Variants in MTM1 observed in about 807,000 individuals in gnomAD.
The protein encoded by MTM1 is myotubularin 1.
In MTM1, 9 loss-of-function variants were observed where a neutral mutation model predicts 52.1. The observed-to-expected ratio is 0.17, with a 90% CI of 0.10 to 0.30. The LOEUF is 0.30. MTM1 is among the 10% of genes least tolerant of loss of function. The pLI, the probability that MTM1 is intolerant of heterozygous loss-of-function variation, is 1.00. For synonymous variants in MTM1, 136 were observed against 163.8 expected, an observed-to-expected ratio of 0.83 and a Z score of 1.29; for missense variants, 277 against 470.7, an observed-to-expected ratio of 0.59 and a Z score of 3.81.
At chrX:150,589,750 CTTTT>C (rs781783631) in intron 1 of MTM1, among the ~76,000 whole-genome samples, 2 of 91,899 alleles carry the variant, frequency 2.2e-5, no homozygotes, top group Admixed American at 1.2e-4. Context: ...TCATTATTGT[CTTTT>C]TTTTTTTTTT....
rs1470686963 is a variant in MTM1, at chrX:150,641,359, C to T, written c.619C>T (p.Arg207Cys). ...TYPALLVVPY[R>C]ASDDDLRRVA... ...CCCTGCTCTTTTGGTGGTTCCGTAT[C>T]GTGCCTCAGATGATGACCTCCGGAG... The change falls in exon 8 of 15, where the codon CGT becomes TGT. Residue 207 changes from arginine (R) to cysteine (C), a missense_variant. Around this residue, in one of 4 missense-constraint regions of MTM1, gnomAD observed 164 missense variants for 283.3 expected, o/e 0.58. Transcript: ENST00000370396. 1.7e-6 allele frequency: 2 copies of T among 1,211,313 alleles called. No individual in the cohort carries two copies. Among genetic ancestry groups the T allele is most frequent in the African/African-American group, 1.7e-5 (1 of 57,697 alleles).
intron 1 of MTM1, among the ~76,000 whole-genome samples, chrX:150,583,747 TTAA>T (rs1157506703): frequency 2.1e-5 from 1 of 46,659 alleles, no homozygotes. Flanking sequence ...TATATATAAA[TTAA>T]TATATATTAA....
At chrX:150,587,304 G>C (rs782178359) in intron 1 of MTM1, among the ~76,000 whole-genome samples, 5 of 111,747 alleles carry the variant, frequency 4.5e-5, no homozygotes, top group African/African-American at 1.6e-4. Flanking sequence ...AATGCAGGGC[G>C]TGACAGCCTG....
upstream of MTM1, among the ~76,000 whole-genome samples, chrX:150,567,753 C>G (rs1231355475): frequency 3.6e-5 from 4 of 111,481 alleles, no homozygotes; most frequent in Admixed American, 3.8e-4. Context: ...GAGGTTTCAC[C>G]ATGTCGTCCA....
chrX:150,632,335 A>G (rs1557413595), intron 6 of MTM1, among the ~76,000 whole-genome samples: 2 of 111,969 alleles, frequency 1.8e-5, no homozygotes, highest in Non-Finnish European at 3.8e-5. Flanking sequence ...GGCTGAACTC[A>G]CATGCAGTTT....
upstream of MTM1, among the ~76,000 whole-genome samples, chrX:150,566,848 A>G (rs1167050625): frequency 2.7e-5 from 3 of 111,439 alleles, no homozygotes; most frequent in Non-Finnish European, 3.8e-5. Flanking sequence ...CCTAAGATTC[A>G]CAGATACCAG....
intron 14 of MTM1, among the ~76,000 whole-genome samples, chrX:150,665,662 A>G (rs782572591): frequency 1.8e-5 from 2 of 112,393 alleles, no homozygotes; most frequent in South Asian, 7.4e-4. Context: ...AAAAGAATAT[A>G]CAGCCTCATA....
chrX:150,569,904 T>C (rs1276122060), intron 1 of MTM1, among the ~76,000 whole-genome samples: 1 of 111,979 alleles, frequency 8.9e-6, no homozygotes, highest in Non-Finnish European at 1.9e-5. Flanking sequence ...TGAATGGCTT[T>C]TGGCTGCTTC....
intron 3 of MTM1, 94 bp downstream of exon 3, chrX:150,596,664 T>A: frequency 1.5e-6 from 1 of 677,069 alleles, no homozygotes; most frequent in Non-Finnish European, 2.4e-6. Flanking sequence ...GCAGTCAGGC[T>A]TAGACAAATA....
Position 150,649,871 on chromosome X carries a change from G to A in MTM1, c.1023G>A (p.Leu341=). The change falls in exon 10 of 15, where the codon TTG becomes TTA. Residue 341 remains leucine (L), a synonymous_variant. Transcript: ENST00000370396. ...AAGAATCTCATTGGTTGTCCAGTTT[G>A]GAGTCTACTCATTGGTTAGAACATA... is the stretch of plus-strand genomic sequence containing the variant. ...NVEESHWLSS[L]ESTHWLEHIK... 3 of 1,208,297 alleles carry A rather than the reference G, an allele frequency of 2.5e-6. No individual in the cohort carries two copies. The highest frequency in any genetic ancestry group is 2.3e-4 in the Middle Eastern group (1 of 4,316).
At chrX:150,668,924 AG>A (rs1202898764) in intron 14 of MTM1, among the ~76,000 whole-genome samples, 1 of 109,905 alleles carries the variant, frequency 9.1e-6, no homozygotes, top group Non-Finnish European at 1.9e-5. Context: ...TCTAAAAAAA[AG>A]GGTGGGGGGA....
At chrX:150,665,461 A>G (rs781924711) in intron 14 of MTM1, among the ~76,000 whole-genome samples, 163 of 112,969 alleles carry the variant, frequency 1.4e-3, no homozygotes, top group Non-Finnish European at 2.6e-3. Flanking sequence ...GTAGAACATT[A>G]TTTCATACAG....
intron 6 of MTM1, among the ~76,000 whole-genome samples, chrX:150,633,491 G>A (rs1267248016): frequency 1.8e-5 from 2 of 111,943 alleles, no homozygotes; most frequent in South Asian, 3.7e-4. Context: ...ATATCAGTAC[G>A]TCCTATGGTT....
chrX:150,638,842 G>A lies in MTM1; in HGVS notation c.445-101G>A, dbSNP rs782242888. The A allele has an allele frequency of 5.6e-5, 35 of 623,746 alleles. No individual in the cohort carries two copies. The East Asian group carries it at 9.4e-4, about 17-fold the overall frequency. The allele number at this position is 623,746 out of a possible 1,213,427, so 51.4% of individuals were successfully genotyped here. The stretch of plus-strand genomic sequence containing the variant: ...TGGTGTGGGTTGTAATTTCATGGTC[G>A]GCAAATCTGGTGAAATTTATTTTGC... On this transcript the variant is annotated intron_variant, in intron 6 of 14. Coordinates refer to ENST00000370396, the MANE Select transcript of MTM1 (RefSeq NM_000252.3).
chrX:150,589,883 T>C (rs5925388), intron 1 of MTM1, among the ~76,000 whole-genome samples: 40,147 of 109,773 alleles, frequency 0.37, 6,639 homozygotes, highest in East Asian at 0.68. Context: ...GGCTAAGACA[T>C]TGGCATTCAC....
At chrX:150,569,711 A>C (rs1557411381) in intron 1 of MTM1, among the ~76,000 whole-genome samples, 1 of 111,860 alleles carries the variant, frequency 8.9e-6, no homozygotes, top group East Asian at 2.8e-4. Context: ...ATTCCTTGTG[A>C]AATAAGCACC....
chrX:150,631,868 C>A (rs189526384), intron 6 of MTM1, among the ~76,000 whole-genome samples: 1 of 110,769 alleles, frequency 9.0e-6, no homozygotes, highest in East Asian at 2.8e-4. Flanking sequence ...GAAGTACTGT[C>A]CTTATCTCAC....
chrX:150,570,390 C>T (rs2038348247), intron 1 of MTM1, among the ~76,000 whole-genome samples: 1 of 111,578 alleles, frequency 9.0e-6, no homozygotes, highest in Non-Finnish European at 1.9e-5. Context: ...AGCTGCTGCT[C>T]CAGTAAAGGA....
intron 1 of MTM1, among the ~76,000 whole-genome samples, chrX:150,572,080 A>T (rs782562620): frequency 2.7e-5 from 3 of 112,040 alleles, no homozygotes; most frequent in African/African-American, 9.7e-5. Flanking sequence ...CTACCAGAGG[A>T]ACTATGGTAA....
Sources: gnomAD v4.1 joint callset for allele counts (sites outside exome capture counted in the v4.1 genomes callset) on GRCh38, gnomAD v4.1.1 for gene constraint, gnomAD v4.1.1 regional missense constraint, MANE v1.5 for transcripts, NCBI Gene and HGNC (gene_info 2026-07-23, HGNC 2026-07-21) for gene names.